Variants in PHF24 observed in about 807,000 individuals in gnomAD.
PHF24 encodes Galpha inhibitory interacting protein.
Under a neutral mutation model 42.6 loss-of-function variants are expected in PHF24, and 25 were observed. The ratio of observed to expected loss-of-function variants is 0.59; its 90% CI spans 0.43 to 0.82. The LOEUF (loss-of-function observed/expected upper bound fraction) is 0.82, where lower values mean the gene tolerates loss of function less well. PHF24 is among the 40% of genes least tolerant of loss of function. The pLI is 0.00. For missense variants in PHF24, 470 were observed against 538.1 expected, an observed-to-expected ratio of 0.87 and a Z score of 1.25; for synonymous variants, 185 against 204.8, an observed-to-expected ratio of 0.90 and a Z score of 0.83.
At chr9:34,726,923 A>G in the PHF24 span, 10 of 1,551,698 alleles carry the variant, frequency 6.4e-6, no homozygotes, top group Non-Finnish European at 8.7e-6. Context: ...AGAATTGCAG[A>G]TTTGGCAGCA....
chr9:34,977,929 GCCT>G (rs1272340028), intron 7 of PHF24, 83 bp from the exon 8 acceptor site: 1 of 1,051,396 alleles, frequency 9.5e-7, no homozygotes, highest in East Asian at 2.4e-5. Context: ...CTTCAAACCA[GCCT>G]CCTCAAGCCA....
chr9:34,780,765 A>AAAT, the PHF24 span, among the ~76,000 whole-genome samples: 1 of 152,208 alleles, frequency 6.6e-6, no homozygotes, highest in East Asian at 1.9e-4. Context: ...TACAATGGCA[A>AAAT]AATAAACCCC....
the PHF24 span, among the ~76,000 whole-genome samples, chr9:34,795,925 C>A: frequency 6.6e-6 from 1 of 150,886 alleles, no homozygotes; most frequent in Non-Finnish European, 1.5e-5. Flanking sequence ...TCACTTGAGC[C>A]GAGGAGGTTG....
chr9:34,815,396 C>T, the PHF24 span, among the ~76,000 whole-genome samples: 2 of 152,186 alleles, frequency 1.3e-5, no homozygotes, highest in Non-Finnish European at 2.9e-5. Flanking sequence ...TATCTTGGCT[C>T]ACTGCGAGCT....
the PHF24 span, among the ~76,000 whole-genome samples, chr9:34,896,734 T>G: frequency 6.6e-6 from 1 of 152,232 alleles, no homozygotes; most frequent in African/African-American, 2.4e-5. Flanking sequence ...CTTTGCCCAC[T>G]GATTCTCACA....
chr9:34,974,683 C>T (rs1244478935), intron 3 of PHF24, among the ~76,000 whole-genome samples: 1 of 152,176 alleles, frequency 6.6e-6, no homozygotes, highest in Non-Finnish European at 1.5e-5. Context: ...ACTTCATCTA[C>T]AGCCACCATC....
the PHF24 span, among the ~76,000 whole-genome samples, chr9:34,788,532 G>A: frequency 6.6e-6 from 1 of 152,112 alleles, no homozygotes; most frequent in African/African-American, 2.4e-5. Context: ...TTCTTTTCAA[G>A]GATACTAGGA....
the PHF24 span, among the ~76,000 whole-genome samples, chr9:34,803,674 A>G: frequency 1.3e-5 from 2 of 152,174 alleles, no homozygotes; most frequent in African/African-American, 4.8e-5. Flanking sequence ...AAAATGTTTT[A>G]TGATGGGAGA....
chr9:34,695,039 C>T, the PHF24 span, among the ~76,000 whole-genome samples: 1,781 of 152,240 alleles, frequency 0.012, 22 homozygotes, highest in Non-Finnish European at 0.018. Context: ...TAACTGGTGG[C>T]TGGGGGCCTC....
At chr9:34,888,820 T>C in the PHF24 span, among the ~76,000 whole-genome samples, 5 of 152,200 alleles carry the variant, frequency 3.3e-5, no homozygotes, top group African/African-American at 1.2e-4. Flanking sequence ...CAACACACCA[T>C]GGGACAATAG....
At chr9:34,908,466 G>A in the PHF24 span, among the ~76,000 whole-genome samples, 1 of 152,140 alleles carries the variant, frequency 6.6e-6, no homozygotes, top group Non-Finnish European at 1.5e-5. Flanking sequence ...TATGTTAGAT[G>A]GTGATAAGTG....
chr9:34,767,144 G>A, the PHF24 span, among the ~76,000 whole-genome samples: 1 of 152,206 alleles, frequency 6.6e-6, no homozygotes, highest in Non-Finnish European at 1.5e-5. Context: ...GCTGCTCGGG[G>A]GTCAGGGGTC....
the PHF24 span, among the ~76,000 whole-genome samples, chr9:34,874,988 G>C: frequency 6.6e-6 from 1 of 152,016 alleles, no homozygotes; most frequent in African/African-American, 2.4e-5. Context: ...CATTTTTCAA[G>C]TTATTTTAAA....
At chr9:34,722,139 G>A in the PHF24 span, among the ~76,000 whole-genome samples, 1 of 152,176 alleles carries the variant, frequency 6.6e-6, no homozygotes, top group South Asian at 2.1e-4. Context: ...AGGCTTCTGT[G>A]TTGAGGATAA....
chr9:34,713,839 C>G, the PHF24 span, among the ~76,000 whole-genome samples: 1 of 152,022 alleles, frequency 6.6e-6, no homozygotes, highest in Non-Finnish European at 1.5e-5. Flanking sequence ...GCAGCAAGCT[C>G]CTTACATCTT....
intron 2 of PHF24, among the ~76,000 whole-genome samples, chr9:34,971,969 G>T (rs540189509): frequency 6.6e-6 from 1 of 152,244 alleles, no homozygotes; most frequent in South Asian, 2.1e-4. Context: ...CACCCTGCGG[G>T]AGGCAATTGG....
chr9:34,673,278 T>C, the PHF24 span, among the ~76,000 whole-genome samples: 3 of 146,040 alleles, frequency 2.1e-5, no homozygotes, highest in African/African-American at 7.4e-5. Context: ...TTCTCTAACC[T>C]GGGAGCGGGA....
chr9:34,827,397 C>CCAT, the PHF24 span, among the ~76,000 whole-genome samples: 1 of 152,184 alleles, frequency 6.6e-6, no homozygotes, highest in Admixed American at 6.5e-5. Flanking sequence ...ATCCTGGAGA[C>CCAT]CATCCATGGG....
At chr9:34,713,982 A>T in the PHF24 span, among the ~76,000 whole-genome samples, 1 of 152,290 alleles carries the variant, frequency 6.6e-6, no homozygotes, top group African/African-American at 2.4e-5. Context: ...GAAGGATGGG[A>T]TGCAGAAGGC....
Sources: gnomAD v4.1 joint callset for allele counts (sites outside exome capture counted in the v4.1 genomes callset) on GRCh38, gnomAD v4.1.1 for gene constraint, MANE v1.5 for transcripts, NCBI Gene and HGNC (gene_info 2026-07-23, HGNC 2026-07-21) for gene names.